Variants in LNX2 observed in about 807,000 individuals in gnomAD.
LNX2 encodes the protein ligand of numb-protein X 2.
In LNX2, 35 loss-of-function variants were observed where a neutral mutation model predicts 66.2. That is an observed-to-expected ratio of 0.53 (90% CI 0.40 to 0.70). The LOEUF is 0.70. Ranked by LOEUF, LNX2 falls within the 30% of genes least tolerant of loss-of-function variation. The pLI is 0.00. For synonymous variants in LNX2, 337 were observed against 315.6 expected (o/e 1.07, Z -0.72); for missense variants, 791 against 850.8 (o/e 0.93, Z 0.87).
At chr13:27,572,469 A>G (rs1253046456) in intron 2 of LNX2, among the ~76,000 whole-genome samples, 1 of 152,240 alleles carries the variant, frequency 6.6e-6, no homozygotes, top group Non-Finnish European at 1.5e-5. Context: ...GCAATCTGCC[A>G]TGGGCTGAGG....
intron 1 of LNX2, among the ~76,000 whole-genome samples, chr13:27,590,163 G>A (rs1955532224): frequency 6.6e-6 from 1 of 152,036 alleles, no homozygotes; most frequent in Admixed American, 6.5e-5. Flanking sequence ...TGTTAGCCAG[G>A]TTTCACATGT....
intron 1 of LNX2, among the ~76,000 whole-genome samples, chr13:27,612,952 G>A (rs886366495): frequency 6.6e-6 from 1 of 152,140 alleles, no homozygotes; most frequent in African/African-American, 2.4e-5. Context: ...AACTCCATGA[G>A]GATACCACAG....
At chr13:27,593,356 T>A (rs1047147739) in intron 1 of LNX2, among the ~76,000 whole-genome samples, 2 of 152,120 alleles carry the variant, frequency 1.3e-5, no homozygotes, top group African/African-American at 2.4e-5. Context: ...CTCCATTTCA[T>A]CTCCAATAGT....
chr13:27,585,608 T>C (rs1955476139), intron 1 of LNX2, among the ~76,000 whole-genome samples: 2 of 152,258 alleles, frequency 1.3e-5, no homozygotes, highest in African/African-American at 4.8e-5. Context: ...GTACATGAGA[T>C]TAAGGAGAGA....
chr13:27,588,021 CAAAAAAAAAAAAAAAA>C (rs56812051), intron 1 of LNX2, among the ~76,000 whole-genome samples: 3 of 93,522 alleles, frequency 3.2e-5, no homozygotes, highest in Middle Eastern at 4.5e-3. Flanking sequence ...ACTCTTGTCA[CAAAAAAAAAAAAAAAA>C]AAAAAAAAAA....
chr13:27,564,190 A>G (rs1195467754), intron 4 of LNX2, among the ~76,000 whole-genome samples: 1 of 152,242 alleles, frequency 6.6e-6, no homozygotes, highest in Non-Finnish European at 1.5e-5. Flanking sequence ...ATGCAGCCTC[A>G]TAACATCTTT....
At chr13:27,587,572 C>T (rs781334255) in intron 1 of LNX2, among the ~76,000 whole-genome samples, 1 of 152,096 alleles carries the variant, frequency 6.6e-6, no homozygotes, top group African/African-American at 2.4e-5. Flanking sequence ...AACATATGAA[C>T]CCAGCCCGTT....
At chr13:27,595,506 C>T (rs950612289) in intron 1 of LNX2, among the ~76,000 whole-genome samples, 1 of 152,082 alleles carries the variant, frequency 6.6e-6, no homozygotes, top group African/African-American at 2.4e-5. Context: ...CCTGCCTTAC[C>T]AATCCTACCA....
chr13:27,569,987 T>C (rs953028151), intron 2 of LNX2, among the ~76,000 whole-genome samples: 1 of 152,196 alleles, frequency 6.6e-6, no homozygotes, highest in Non-Finnish European at 1.5e-5. Context: ...TTTACTTATT[T>C]AAGCAAATAA....
chr13:27,607,313 GCAC>G (rs565669617), intron 1 of LNX2, among the ~76,000 whole-genome samples: 349 of 152,236 alleles, frequency 2.3e-3, no homozygotes, highest in Non-Finnish European at 4.3e-3. Flanking sequence ...TTCTAAAAAC[GCAC>G]CACAACGTCA....
chr13:27,565,371 C>T (rs1955191741), intron 4 of LNX2, among the ~76,000 whole-genome samples: 1 of 152,114 alleles, frequency 6.6e-6, no homozygotes, highest in South Asian at 2.1e-4. Context: ...AGCTAAAAAG[C>T]CCAGAAGTGG....
intron 1 of LNX2, 31 bp from the exon 2 acceptor site, chr13:27,581,834 G>C (rs1955401681): frequency 3.2e-6 from 2 of 620,184 alleles, no homozygotes; most frequent in Admixed American, 3.4e-5. Context: ...CATTAAAAAA[G>C]GTAATTAATA....
chr13:27,605,659 C>T (rs1419913323), intron 1 of LNX2, among the ~76,000 whole-genome samples: 1 of 152,144 alleles, frequency 6.6e-6, no homozygotes. Flanking sequence ...ACTTTCTGAG[C>T]TCCAGTCCTT....
chr13:27,548,531 T>A (rs955614552), intron 9 of LNX2, 61 bp from the exon 10 acceptor site: 1 of 1,543,568 alleles, frequency 6.5e-7, no homozygotes, highest in Non-Finnish European at 8.8e-7. Context: ...AATATCCCAA[T>A]TGAGATTTAT....
chr13:27,589,996 C>A (rs1347348054), intron 1 of LNX2, among the ~76,000 whole-genome samples: 1 of 152,198 alleles, frequency 6.6e-6, no homozygotes, highest in Non-Finnish European at 1.5e-5. Flanking sequence ...GTCACCCAGG[C>A]TGGAGTGCAG....
chr13:27,586,839 G>C (rs1484885195), intron 1 of LNX2, among the ~76,000 whole-genome samples: 1 of 152,146 alleles, frequency 6.6e-6, no homozygotes, highest in Non-Finnish European at 1.5e-5. Flanking sequence ...GCTTGGGCGG[G>C]ATTATTACAA....
intron 1 of LNX2, among the ~76,000 whole-genome samples, chr13:27,612,104 C>T (rs969007153): frequency 6.6e-6 from 1 of 152,230 alleles, no homozygotes; most frequent in African/African-American, 2.4e-5. Flanking sequence ...CTAGAGAAAT[C>T]ACAGCAGATC....
At chr13:27,583,214 G>GCCCTCTCCAATATAACTT (rs1277840971) in intron 1 of LNX2, among the ~76,000 whole-genome samples, 1 of 16,926 alleles carries the variant, frequency 5.9e-5, no homozygotes. Flanking sequence ...GTGTGTGTGT[G>GCCCTCTCCAATATAACTT]TGTGTGTGTG....
chr13:27,571,784 C>T (rs955886470), intron 2 of LNX2, among the ~76,000 whole-genome samples: 4 of 152,144 alleles, frequency 2.6e-5, no homozygotes, highest in African/African-American at 9.7e-5. Context: ...ATACAGACAG[C>T]TCAGAGCCAT....
Sources: gnomAD v4.1 joint callset for allele counts (sites outside exome capture counted in the v4.1 genomes callset) on GRCh38, gnomAD v4.1.1 for gene constraint, MANE v1.5 for transcripts, NCBI Gene and HGNC (gene_info 2026-07-23, HGNC 2026-07-21) for gene names.